XIAP: variants seen among roughly 807,000 people sequenced by gnomAD.
XIAP encodes E3 ubiquitin-protein ligase XIAP.
Under a neutral mutation model 33.1 loss-of-function variants are expected in XIAP, and 3 were observed. The observed-to-expected ratio is 0.09, with a 90% CI of 0.04 to 0.23. The LOEUF (loss-of-function observed/expected upper bound fraction) is 0.23, where lower values mean the gene tolerates loss of function less well. Among genes scored for constraint, XIAP ranks in the 10% least tolerant of loss-of-function variants. The probability of loss-of-function intolerance (pLI) is 1.00; values close to 1 mark genes in which losing one functional copy is unlikely to be tolerated. For synonymous variants in XIAP, 98 were observed against 121.3 expected, an observed-to-expected ratio of 0.81 and a Z score of 1.26; for missense variants, 264 against 363.0, an observed-to-expected ratio of 0.73 and a Z score of 2.22.
chrX:123,880,420 AAAAG>A (rs2053289204), intron 1 of XIAP, among the ~76,000 whole-genome samples: 3 of 92,602 alleles, frequency 3.2e-5, no homozygotes, highest in Admixed American at 2.4e-4. Flanking sequence ...TCAAAAAAAA[AAAAG>A]AAAGAAAACC....
intron 2 of XIAP, among the ~76,000 whole-genome samples, chrX:123,887,537 G>C (rs1365786409): frequency 8.9e-6 from 1 of 112,333 alleles, no homozygotes; most frequent in Non-Finnish European, 1.9e-5. Context: ...TAATCTTGAA[G>C]GTTTGTTTAG....
At chrX:123,874,202 A>T (rs2053221191) in intron 1 of XIAP, among the ~76,000 whole-genome samples, 1 of 111,840 alleles carries the variant, frequency 8.9e-6, no homozygotes, top group African/African-American at 3.2e-5. Flanking sequence ...TCTGGTTGGC[A>T]GGATTGTACA....
Position 123,910,467 on chromosome X carries a change from C to A in XIAP, c.*3286C>A, listed in dbSNP as rs1013778404. On this transcript the variant is annotated 3_prime_UTR_variant, in exon 7 of 7. Transcript: ENST00000371199. Reference sequence around the variant, plus strand: ...TTTCACATGATATACCCTTTAAACCCGAATCATTGTTTTATTTCCTGATTA... The same window carrying A: ...TTTCACATGATATACCCTTTAAACCAGAATCATTGTTTTATTTCCTGATTA... The A allele has an allele frequency of 3.1e-5, 10 of 327,605 alleles. No homozygotes were observed. The highest frequency in any genetic ancestry group is 1.9e-4 in the East Asian group (2 of 10,268). The allele number at this position is 327,605 out of a possible 1,213,427, so 27.0% of individuals were successfully genotyped here. A position where few individuals can be genotyped will look rare whatever the true frequency, so the allele number is the denominator to read the frequency against.
At position 123,888,521 on chromosome X, in the gene XIAP, C is replaced by T. The variant is rs2053374685; in HGVS notation, c.878-98C>T. On this transcript the variant is annotated intron_variant, in intron 2 of 6. Coordinates refer to ENST00000371199, the MANE Select transcript of XIAP (RefSeq NM_001167.4). Reference sequence around the variant, plus strand: ...GTCTTGTTTTAAGCTGTGAGATTTTCATGTTTTTTAGATGTGCTTAATTTT... The same window carrying T: ...GTCTTGTTTTAAGCTGTGAGATTTTTATGTTTTTTAGATGTGCTTAATTTT... The T allele has an allele frequency of 5.5e-6, 4 of 730,275 alleles. No individual in the cohort carries two copies. The Admixed American group carries it at 6.8e-5, about 12-fold the overall frequency. 60.2% of individuals were successfully genotyped at this position (730,275 alleles called of 1,213,427 possible). A position where few individuals can be genotyped will look rare whatever the true frequency, so the allele number is the denominator to read the frequency against.
In XIAP at chrX:123,885,153, CAA is replaced by C. The variant is rs28382720; in HGVS notation, c.-32-476_-32-475del. On this transcript the variant is annotated intron_variant, in intron 1 of 6. Transcript: ENST00000371199. ...TATGATTAAAACATATTTTGCTAAG[CAA>C]AGAGATATTAAAAATTAATTCATTA... Among the ~76,000 whole-genome samples the C allele has an allele frequency of 9.5e-3, 1,064 of 111,458 alleles. 12 individuals carry two copies. The highest frequency in any genetic ancestry group is 0.033 in the African/African-American group (998 of 30,706).
chrX:123,868,575 G>T (rs2053165194), intron 1 of XIAP, among the ~76,000 whole-genome samples: 1 of 110,335 alleles, frequency 9.1e-6, no homozygotes, highest in African/African-American at 3.3e-5. Flanking sequence ...ACTAAAAATA[G>T]AAAAATTAAC....
chrX:123,899,831 C>A (rs1222599773), intron 5 of XIAP, among the ~76,000 whole-genome samples: 1 of 109,941 alleles, frequency 9.1e-6, no homozygotes, highest in Non-Finnish European at 1.9e-5. Context: ...ATAAATAACA[C>A]TACTATGAAT....
rs1275940926 is a variant in XIAP at position 123,912,340 on chromosome X, CA to C, written c.*5164del. The C allele has an allele frequency of 7.1e-6, 2 of 282,166 alleles. No individual in the cohort carries two copies. Among genetic ancestry groups the C allele is most frequent in the African/African-American group, 7.1e-5 (2 of 28,325 alleles). The allele number at this position is 282,166 out of a possible 1,213,427, so 23.3% of individuals were successfully genotyped here. Reference sequence around the variant, plus strand: ...TATTTACATAGCATTAAGGTTGGTGCAAAAATGCAAAAAAAAAAAAAGCAAT... The same window carrying C: ...TATTTACATAGCATTAAGGTTGGTGCAAAATGCAAAAAAAAAAAAAGCAAT... On this transcript the variant is annotated 3_prime_UTR_variant, in exon 7 of 7. Coordinates refer to ENST00000371199, the MANE Select transcript of XIAP (RefSeq NM_001167.4).
chrX:123,905,615 T>C (rs2053551176), intron 6 of XIAP, among the ~76,000 whole-genome samples: 1 of 112,005 alleles, frequency 8.9e-6, no homozygotes, highest in Non-Finnish European at 1.9e-5. Context: ...CTATGAACTA[T>C]TGGGGGCCTG....
intron 1 of XIAP, among the ~76,000 whole-genome samples, chrX:123,875,951 G>A (rs1028921935): frequency 1.8e-5 from 2 of 112,193 alleles, no homozygotes; most frequent in Admixed American, 9.5e-5. Context: ...CTCCCAAAGT[G>A]TTGGGATTAC....
intron 6 of XIAP, among the ~76,000 whole-genome samples, chrX:123,903,180 AT>A (rs56868819): frequency 4.0e-3 from 261 of 65,244 alleles, no homozygotes; most frequent in African/African-American, 0.015. Flanking sequence ...TTATTTTATA[AT>A]TTTTTTTTTT....
chrX:123,862,653 G>A (rs976736877), intron 1 of XIAP, among the ~76,000 whole-genome samples: 1 of 108,932 alleles, frequency 9.2e-6, no homozygotes, highest in African/African-American at 3.3e-5. Flanking sequence ...CTGAGGTCAG[G>A]AGTTGGAGTC....
chrX:123,913,708 A>G lies in XIAP; in HGVS notation c.*6527A>G. 3.1e-6 allele frequency: 1 copy of G among 322,690 alleles called. No homozygotes were observed. Among genetic ancestry groups the G allele is most frequent in the Non-Finnish European group, 5.9e-6 (1 of 168,221 alleles). The allele number at this position is 322,690 out of a possible 1,213,427, so 26.6% of individuals were successfully genotyped here. A position where few individuals can be genotyped will look rare whatever the true frequency, so the allele number is the denominator to read the frequency against. On this transcript the variant is annotated 3_prime_UTR_variant, in exon 7 of 7. Transcript: ENST00000371199. ...CAAGGGTTTTAATGTAATTTATGTT[A>G]GATTTTGCATTTTTTTCATTACTGT...
chrX:123,909,139 G>C lies in XIAP; in HGVS notation c.*1958G>C, dbSNP rs41309540. 1.9e-5 allele frequency: 5 copies of C among 269,215 alleles called. No individual in the cohort carries two copies. Among genetic ancestry groups the C allele is most frequent in the Non-Finnish European group, 6.9e-6 (1 of 145,037 alleles). The allele number at this position is 269,215 out of a possible 1,213,427, so 22.2% of individuals were successfully genotyped here. On this transcript the variant is annotated 3_prime_UTR_variant, in exon 7 of 7. Transcript: ENST00000371199. ...CGCCTTCTGGGTTCAAGCGATTCTCGTGCCTCAGCTTCCTGAGTAGCTGGA... is the reference window on the plus strand; with the variant it reads ...CGCCTTCTGGGTTCAAGCGATTCTCCTGCCTCAGCTTCCTGAGTAGCTGGA...
chrX:123,891,092 A>G (rs2053403622), intron 3 of XIAP, 146 bp from the exon 4 acceptor site: 6 of 335,002 alleles, frequency 1.8e-5, no homozygotes, highest in Admixed American at 5.6e-5. Context: ...GGGATAGGGA[A>G]TTGGGTAACA....
In XIAP at chrX:123,886,214, A is replaced by C; in HGVS notation, c.552A>C (p.Leu184Phe). 1 of 1,212,213 alleles carries C rather than the reference A, an allele frequency of 8.2e-7. No individual in the cohort carries two copies. Among genetic ancestry groups the C allele is most frequent in the Non-Finnish European group, 1.1e-6 (1 of 895,622 alleles). The change falls in exon 2 of 7, where the codon TTA becomes TTC. Residue 184 changes from leucine to phenylalanine, a missense_variant. Coordinates refer to ENST00000371199, the MANE Select transcript of XIAP (RefSeq NM_001167.4). ...PDYAHLTPRE[L>F]ASAGLYYTGI... Reference sequence around the variant, plus strand: ...ATGCTCACCTAACCCCAAGAGAGTTAGCAAGTGCTGGACTCTACTACACAG... The same window carrying C: ...ATGCTCACCTAACCCCAAGAGAGTTCGCAAGTGCTGGACTCTACTACACAG...
At chrX:123,859,998 G>A (rs1401712259), upstream of XIAP, 9 of 308,401 alleles carry the variant, frequency 2.9e-5, no homozygotes, top group Admixed American at 2.9e-4. Context: ...ACACGCCGGG[G>A]CCCAGTGGCG....
At chrX:123,899,156 T>TAC (rs2053490576) in intron 5 of XIAP, among the ~76,000 whole-genome samples, 1 of 31,814 alleles carries the variant, frequency 3.1e-5, no homozygotes, top group African/African-American at 1.5e-4. Context: ...TATATATATA[T>TAC]ATATATATAT....
rs1452980309 is a variant in XIAP, at chrX:123,860,184, G to C, written c.-142G>C. On this transcript the variant is annotated 5_prime_UTR_variant, in exon 1 of 7. Coordinates refer to ENST00000371199, the MANE Select transcript of XIAP (RefSeq NM_001167.4). Reference sequence around the variant, plus strand: ...TCACCTAGGCTGGGGCCAAGCCGCAGAGCGGAGTTGGCATTTCCAGATTGG... The same window carrying C: ...TCACCTAGGCTGGGGCCAAGCCGCACAGCGGAGTTGGCATTTCCAGATTGG... 2 of 328,853 alleles carry C rather than the reference G, an allele frequency of 6.1e-6. No homozygotes were observed. Among genetic ancestry groups the C allele is most frequent in the Non-Finnish European group, 1.2e-5 (2 of 169,836 alleles). The allele number at this position is 328,853 out of a possible 1,213,427, so 27.1% of individuals were successfully genotyped here. A position where few individuals can be genotyped will look rare whatever the true frequency, so the allele number is the denominator to read the frequency against.
Sources: allele counts gnomAD v4.1 joint callset (sites outside exome capture counted in the v4.1 genomes callset), GRCh38; gene constraint gnomAD v4.1.1; transcripts MANE v1.5; gene names NCBI Gene and HGNC (gene_info 2026-07-23, HGNC 2026-07-21).